PGM5: variants seen among roughly 807,000 people sequenced by gnomAD.
PGM5 encodes phosphoglucomutase-like protein 5.
Under a neutral mutation model 59.2 loss-of-function variants are expected in PGM5, and 23 were observed. That is an observed-to-expected ratio of 0.39 (90% CI 0.28 to 0.55). PGM5 has a LOEUF of 0.55. Ranked by LOEUF, PGM5 falls within the 20% of genes least tolerant of loss-of-function variation. PGM5 has a pLI of 0.66. For missense variants in PGM5, 574 were observed against 748.3 expected (o/e 0.77, Z 2.72); for synonymous variants, 214 against 286.0 (o/e 0.75, Z 2.54).
intron 10 of PGM5, among the ~76,000 whole-genome samples, chr9:68,504,719 A>G (rs1445940224): frequency 2.0e-5 from 3 of 151,926 alleles, no homozygotes; most frequent in African/African-American, 7.3e-5. Flanking sequence ...ATATATATAT[A>G]TTTATTTTAT....
intron 6 of PGM5, among the ~76,000 whole-genome samples, chr9:68,410,558 TGAGGAG>T (rs574549509): frequency 1.8e-4 from 27 of 151,728 alleles, no homozygotes; most frequent in Admixed American, 4.6e-4. Context: ...AGGATGATGA[TGAGGAG>T]GAGGAGGAGG....
intron 10 of PGM5, among the ~76,000 whole-genome samples, chr9:68,515,661 CAG>C (rs1204676484): frequency 2.6e-5 from 4 of 152,244 alleles, no homozygotes; most frequent in Non-Finnish European, 4.4e-5. Context: ...CTTGCTGACA[CAG>C]AGAGATGTTG....
intron 6 of PGM5, among the ~76,000 whole-genome samples, chr9:68,448,408 G>T (rs2132068181): frequency 6.6e-6 from 1 of 152,230 alleles, no homozygotes; most frequent in African/African-American, 2.4e-5. Flanking sequence ...TTCATGCACA[G>T]CCTGTTCCCA....
chr9:68,448,177 A>T (rs1285750147), intron 6 of PGM5, among the ~76,000 whole-genome samples: 1 of 152,100 alleles, frequency 6.6e-6, no homozygotes, highest in Non-Finnish European at 1.5e-5. Context: ...CACCTTTTTG[A>T]AGTATATTTC....
At chr9:68,398,432 T>C (rs1236773317) in intron 6 of PGM5, 8 of 152,018 alleles carry the variant, frequency 5.3e-5, no homozygotes, top group Non-Finnish European at 1.0e-4. Flanking sequence ...CAAGAAGGAA[T>C]GGGGAGGTAC....
chr9:68,384,590 G>A, intron 3 of PGM5, 46 bp downstream of exon 3: 7 of 1,278,242 alleles, frequency 5.5e-6, no homozygotes, highest in Non-Finnish European at 7.8e-6. Context: ...CTATGTGGAT[G>A]GGGCTGACTG....
In PGM5 at chr9:68,384,542, G is replaced by A. The variant is rs1554678689; in HGVS notation, c.569G>A (p.Arg190Lys). 6.2e-7 allele frequency: 1 copy of A among 1,603,534 alleles called. No individual in the cohort carries two copies. ...FDLENKFKPF[R>K]VEIVDPVDIY... ...CTAGAAAACAAATTCAAACCATTCA[G>A]AGGTAACAGAGATTTTATTTTGAAG... The change falls in exon 3 of 11, where the codon AGA becomes AAA. Residue 190 changes from arginine to lysine, a missense_variant and splice_region_variant. Physicochemically the swap from Arg to Lys is conservative, Grantham distance 26. Around this residue, in one of 7 missense-constraint regions of PGM5, gnomAD observed 103 missense variants for 112.4 expected, o/e 0.92. Coordinates refer to ENST00000396396, the MANE Select transcript of PGM5 (RefSeq NM_021965.4).
chr9:68,358,058 G>C (rs1389705505), intron 1 of PGM5, among the ~76,000 whole-genome samples: 1 of 152,046 alleles, frequency 6.6e-6, no homozygotes, highest in Non-Finnish European at 1.5e-5. Context: ...TATTTAATTA[G>C]GGTAGGGATG....
At chr9:68,409,578 A>T (rs1822885038) in intron 6 of PGM5, among the ~76,000 whole-genome samples, 2 of 148,686 alleles carry the variant, frequency 1.3e-5, no homozygotes, top group Non-Finnish European at 3.0e-5. Context: ...CTTTGTAGGG[A>T]CATGGATGAA....
At chr9:68,419,510 C>T (rs1246502525) in intron 6 of PGM5, among the ~76,000 whole-genome samples, 9 of 152,098 alleles carry the variant, frequency 5.9e-5, no homozygotes, top group African/African-American at 1.2e-4. Context: ...TGCTTCAGAC[C>T]GAGCTGGGGC....
chr9:68,493,312 A>G (rs1824429523), intron 9 of PGM5, among the ~76,000 whole-genome samples: 1 of 152,260 alleles, frequency 6.6e-6, no homozygotes, highest in African/African-American at 2.4e-5. Flanking sequence ...ACATTTATTT[A>G]TCAAACATTT....
intron 9 of PGM5, 144 bp from the exon 10 acceptor site, chr9:68,499,083 C>A: frequency 1.2e-6 from 1 of 812,798 alleles, no homozygotes; most frequent in Non-Finnish European, 2.0e-6. Flanking sequence ...TCATTACATG[C>A]CCTGTATCCA....
chr9:68,489,766 A>G (rs1437767724), intron 9 of PGM5, among the ~76,000 whole-genome samples: 1 of 152,174 alleles, frequency 6.6e-6, no homozygotes, highest in Non-Finnish European at 1.5e-5. Flanking sequence ...AAAAATCATG[A>G]AACTCTTCCA....
Position 68,499,290 on chromosome 9 carries a change from G to A in PGM5, c.1543G>A (p.Val515Met). 6.2e-7 allele frequency: 1 copy of A among 1,614,164 alleles called. No homozygotes were observed. The highest frequency in any genetic ancestry group is 1.1e-5 in the South Asian group (1 of 91,086). The change falls in exon 10 of 11, where the codon GTG (valine) becomes ATG (methionine). Residue 515 changes from valine (V) to methionine (M), a missense_variant. Around this residue, in one of 7 missense-constraint regions of PGM5, gnomAD observed 300 missense variants for 280.0 expected, o/e 1.07. Transcript: ENST00000396396. Reference protein sequence around the residue: ...LIFRLSSSSGVRATLRLYAES... With the variant: ...LIFRLSSSSGMRATLRLYAES... Reference sequence around the variant, plus strand: ...CTTCCGGCTCAGTTCCTCCAGTGGTGTGCGGGCCACCCTCAGACTGTACGC... The same window carrying A: ...CTTCCGGCTCAGTTCCTCCAGTGGTATGCGGGCCACCCTCAGACTGTACGC...
chr9:68,490,391 G>A (rs1275337428), intron 9 of PGM5, among the ~76,000 whole-genome samples: 2 of 152,326 alleles, frequency 1.3e-5, no homozygotes, highest in African/African-American at 4.8e-5. Context: ...TCTGTCACCA[G>A]GCTGGAGTGC....
rs1834444436 is a variant in PGM5 at position 68,356,630 on chromosome 9, G to C, written c.-498G>C. 1.3e-5 allele frequency among the ~76,000 whole-genome samples: 2 copies of C among 152,300 alleles called. No individual in the cohort carries two copies. Among genetic ancestry groups the C allele is most frequent in the Non-Finnish European group, 2.9e-5 (2 of 68,056 alleles). On this transcript the variant is annotated 5_prime_UTR_variant, in exon 1 of 11. Coordinates refer to ENST00000396396, the MANE Select transcript of PGM5 (RefSeq NM_021965.4). ...GGCTGCGCACTCCCAGGGAGACAGGGAGACGGGCCGGGCGCCGGAGAGGAA... is the reference window on the plus strand; with the variant it reads ...GGCTGCGCACTCCCAGGGAGACAGGCAGACGGGCCGGGCGCCGGAGAGGAA...
chr9:68,426,038 A>AT (rs1345228019), intron 6 of PGM5, among the ~76,000 whole-genome samples: 1 of 152,132 alleles, frequency 6.6e-6, no homozygotes, highest in East Asian at 1.9e-4. Flanking sequence ...TTAGCTATAT[A>AT]TTTTTTAAGC....
chr9:68,385,933 G>A (rs1249028312), intron 3 of PGM5, among the ~76,000 whole-genome samples: 3 of 151,796 alleles, frequency 2.0e-5, no homozygotes, highest in Non-Finnish European at 4.4e-5. Flanking sequence ...TATTCTTGCT[G>A]GTTCAAGTGT....
At chr9:68,479,282 A>G (rs1261387775) in intron 7 of PGM5, 136 bp from the exon 8 acceptor site, 4 of 710,154 alleles carry the variant, frequency 5.6e-6, no homozygotes, top group African/African-American at 5.3e-5. Flanking sequence ...ATTAGGAGAC[A>G]TATATTTAAT....
Sources: allele counts gnomAD v4.1 joint callset (sites outside exome capture counted in the v4.1 genomes callset), GRCh38; gene constraint gnomAD v4.1.1; regional missense constraint gnomAD v4.1.1; transcripts MANE v1.5; gene names NCBI Gene and HGNC (gene_info 2026-07-23, HGNC 2026-07-21).